LRP1B: variants seen among roughly 807,000 people sequenced by gnomAD.
LRP1B encodes low-density lipoprotein receptor-related protein 1B.
LRP1B carries 217 observed loss-of-function variants against 556.6 expected under a neutral mutation model. The ratio of observed to expected loss-of-function variants is 0.39; its 90% CI spans 0.35 to 0.44. LRP1B has a LOEUF of 0.44. Ranked by LOEUF, LRP1B falls within the 20% of genes least tolerant of loss-of-function variation. LRP1B has a pLI of 1.00. For synonymous variants in LRP1B, 2,047 were observed against 1,865.8 expected, an observed-to-expected ratio of 1.10 and a Z score of -2.50; for missense variants, 5,053 against 5,620.8, an observed-to-expected ratio of 0.90 and a Z score of 3.23.
At chr2:142,128,750 G>GA (rs1173432429) in intron 1 of LRP1B, among the ~76,000 whole-genome samples, 2 of 152,124 alleles carry the variant, frequency 1.3e-5, no homozygotes, top group Admixed American at 6.5e-5. Flanking sequence ...TCATTTTTTA[G>GA]AAAAAAACTA....
At chr2:141,248,172 C>T (rs1684136818) in intron 4 of LRP1B, among the ~76,000 whole-genome samples, 1 of 152,096 alleles carries the variant, frequency 6.6e-6, no homozygotes, top group Non-Finnish European at 1.5e-5. Flanking sequence ...TCTTTATGAA[C>T]AACAGATACT....
intron 29 of LRP1B, among the ~76,000 whole-genome samples, chr2:140,844,530 G>T (rs1420524857): frequency 1.3e-5 from 2 of 151,812 alleles, no homozygotes; most frequent in Non-Finnish European, 2.9e-5. Flanking sequence ...AGCATATGGG[G>T]GTGGGGGTGG....
intron 2 of LRP1B, among the ~76,000 whole-genome samples, chr2:141,720,780 C>T (rs980025276): frequency 5.9e-5 from 9 of 152,000 alleles, no homozygotes; most frequent in Non-Finnish European, 8.8e-5. Context: ...ACTTTTATCA[C>T]GAACTATAAA....
intron 20 of LRP1B, among the ~76,000 whole-genome samples, chr2:140,937,371 C>T (rs1441158998): frequency 1.3e-5 from 2 of 151,970 alleles, no homozygotes; most frequent in Non-Finnish European, 2.9e-5. Context: ...TGTAGGATTC[C>T]ACTTATATTA....
intron 2 of LRP1B, among the ~76,000 whole-genome samples, chr2:141,562,924 A>G (rs936734382): frequency 5.3e-5 from 8 of 152,014 alleles, no homozygotes; most frequent in African/African-American, 1.9e-4. Context: ...ATTAATTAAT[A>G]TGAACAATAA....
intron 41 of LRP1B, among the ~76,000 whole-genome samples, chr2:140,688,549 T>C (rs903214741): frequency 1.3e-5 from 2 of 152,202 alleles, no homozygotes; most frequent in African/African-American, 4.8e-5. Flanking sequence ...TAATAACCTA[T>C]CCACTGCATG....
chr2:140,285,244 CAT>C (rs1167394464), intron 84 of LRP1B, among the ~76,000 whole-genome samples: 1 of 149,438 alleles, frequency 6.7e-6, no homozygotes, highest in Non-Finnish European at 1.5e-5. Flanking sequence ...TGTATCTACA[CAT>C]ATATATACAT....
intron 18 of LRP1B, among the ~76,000 whole-genome samples, chr2:140,961,758 C>T (rs1367035353): frequency 1.3e-5 from 2 of 151,898 alleles, no homozygotes; most frequent in African/African-American, 2.4e-5. Context: ...TTTACTTGTA[C>T]TTTTAATTTA....
intron 31 of LRP1B, among the ~76,000 whole-genome samples, chr2:140,823,346 G>C (rs777335957): frequency 6.6e-6 from 1 of 152,084 alleles, no homozygotes; most frequent in Non-Finnish European, 1.5e-5. Flanking sequence ...TAGGCAGTTT[G>C]AGCCAGAGCT....
At chr2:140,781,696 TATG>T (rs1427162541) in intron 32 of LRP1B, among the ~76,000 whole-genome samples, 1 of 152,224 alleles carries the variant, frequency 6.6e-6, no homozygotes, top group East Asian at 1.9e-4. Flanking sequence ...AATTCTTATT[TATG>T]ATGGTTTCCA....
intron 83 of LRP1B, among the ~76,000 whole-genome samples, chr2:140,304,880 T>C (rs1286310306): frequency 7.9e-5 from 12 of 152,168 alleles, no homozygotes; most frequent in Non-Finnish European, 1.3e-4. Flanking sequence ...ATATGGCTAG[T>C]CAGTTTTCCC....
At chr2:141,250,323 G>A (rs1440523921) in intron 4 of LRP1B, among the ~76,000 whole-genome samples, 1 of 152,134 alleles carries the variant, frequency 6.6e-6, no homozygotes, top group Non-Finnish European at 1.5e-5. Context: ...GTGGATTAGA[G>A]TGTGGAAACT....
At chr2:141,979,545 A>G (rs542967171) in intron 1 of LRP1B, among the ~76,000 whole-genome samples, 1 of 152,186 alleles carries the variant, frequency 6.6e-6, no homozygotes, top group Non-Finnish European at 1.5e-5. Context: ...TTCTCCCTCA[A>G]GAAAAGCACC....
At chr2:140,495,477 G>A (rs1688881978) in intron 56 of LRP1B, 88 bp downstream of exon 56, 1 of 1,209,046 alleles carries the variant, frequency 8.3e-7, no homozygotes, top group Non-Finnish European at 1.2e-6. Flanking sequence ...AAGCATCAAG[G>A]AGGAGTGAAT....
At chr2:141,552,676 AT>A (rs1306477049) in intron 2 of LRP1B, among the ~76,000 whole-genome samples, 1 of 151,992 alleles carries the variant, frequency 6.6e-6, no homozygotes, top group African/African-American at 2.4e-5. Flanking sequence ...TATTAAAAAA[AT>A]GTTCTTGAGA....
At chr2:140,968,008 T>TTGTTGTGTGTC (rs376968457) in intron 18 of LRP1B, among the ~76,000 whole-genome samples, 8,293 of 16,610 alleles carry the variant, frequency 0.5, 2,951 homozygotes, top group Non-Finnish European at 0.72. Flanking sequence ...TTCTCTTTTT[T>TTGTTGTGTGTC]TGCCAGGCTT....
In LRP1B at chr2:141,346,294, C is replaced by T. The variant is rs149608531; in HGVS notation, c.344-91653G>A. Among the ~76,000 whole-genome samples the T allele has an allele frequency of 2.6e-3, 389 of 151,968 alleles. 1 individual carries two copies. Among genetic ancestry groups the T allele is most frequent in the African/African-American group, 8.9e-3 (368 of 41,464 alleles). ...TACTGTTTTTTTAAAAAAAGCAACC[C>T]GTTGGGTGTTGGTATGTGCCAGTTC... On this transcript the variant is annotated intron_variant, in intron 3 of 90. Coordinates refer to ENST00000389484, the MANE Select transcript of LRP1B (RefSeq NM_018557.3).
chr2:140,392,692 T>C (rs1684074789), intron 66 of LRP1B, among the ~76,000 whole-genome samples: 1 of 152,120 alleles, frequency 6.6e-6, no homozygotes, highest in Non-Finnish European at 1.5e-5. Context: ...CTTTCCTATA[T>C]AGCCTAACTA....
intron 32 of LRP1B, among the ~76,000 whole-genome samples, chr2:140,805,988 A>T (rs1429272263): frequency 6.6e-6 from 1 of 152,122 alleles, no homozygotes; most frequent in Non-Finnish European, 1.5e-5. Context: ...GGATCTTTGG[A>T]AGGTAATTTG....
Sources: gnomAD v4.1 joint callset for allele counts (sites outside exome capture counted in the v4.1 genomes callset) on GRCh38, gnomAD v4.1.1 for gene constraint, MANE v1.5 for transcripts, NCBI Gene and HGNC (gene_info 2026-07-23, HGNC 2026-07-21) for gene names.